BMAL1: variants seen among roughly 807,000 people sequenced by gnomAD.
BMAL1 encodes basic helix-loop-helix ARNT-like protein 1.
the BMAL1 span, among the ~76,000 whole-genome samples, chr11:13,381,637 A>G: frequency 3.9e-5 from 6 of 152,300 alleles, no homozygotes; most frequent in South Asian, 2.1e-4. Flanking sequence ...AGGGCAGGCA[A>G]TGGAAACAGC....
At chr11:13,327,843 G>A in the BMAL1 span, among the ~76,000 whole-genome samples, 4 of 101,426 alleles carry the variant, frequency 3.9e-5, no homozygotes, top group African/African-American at 1.1e-4. Flanking sequence ...AAAAATAAAC[G>A]ACAAGACAAA....
At chr11:13,359,278 T>C in the BMAL1 span, among the ~76,000 whole-genome samples, 2 of 152,220 alleles carry the variant, frequency 1.3e-5, no homozygotes, top group Non-Finnish European at 2.9e-5. Flanking sequence ...TAGCTAGTCT[T>C]GGACTTTTGG....
chr11:13,381,526 C>A, the BMAL1 span, among the ~76,000 whole-genome samples: 1 of 152,098 alleles, frequency 6.6e-6, no homozygotes, highest in Non-Finnish European at 1.5e-5. Context: ...ATTGAGGGAG[C>A]AATTCAAGAG....
At chr11:13,356,674 TATG>T in the BMAL1 span, 4 of 1,590,470 alleles carry the variant, frequency 2.5e-6, no homozygotes, top group African/African-American at 1.3e-5. Context: ...CCTTCTGTCT[TATG>T]ATAAGAAGCT....
chr11:13,279,523 A>G, the BMAL1 span, among the ~76,000 whole-genome samples: 1 of 152,210 alleles, frequency 6.6e-6, no homozygotes, highest in Non-Finnish European at 1.5e-5. Flanking sequence ...GCTTAAAATA[A>G]TCATTGCTGC....
At chr11:13,371,790 C>T in the BMAL1 span, among the ~76,000 whole-genome samples, 3 of 152,176 alleles carry the variant, frequency 2.0e-5, no homozygotes. Context: ...ATAGGCTGTG[C>T]CTCTGTGCCT....
the BMAL1 span, chr11:13,374,037 T>C: frequency 1.3e-6 from 2 of 1,501,916 alleles, no homozygotes; most frequent in Non-Finnish European, 1.8e-6. Flanking sequence ...ATTGCAAAGT[T>C]GCAATTAATC....
the BMAL1 span, among the ~76,000 whole-genome samples, chr11:13,349,235 T>G: frequency 1.3e-5 from 2 of 152,268 alleles, no homozygotes; most frequent in Admixed American, 6.5e-5. Flanking sequence ...AGGAGCTCGC[T>G]TCAGCAGTTA....
At chr11:13,316,337 G>A in the BMAL1 span, among the ~76,000 whole-genome samples, 1 of 152,196 alleles carries the variant, frequency 6.6e-6, no homozygotes. Context: ...GTGTGTGGAT[G>A]TGTGCTTTTT....
chr11:13,297,820 C>T, the BMAL1 span, among the ~76,000 whole-genome samples: 1 of 152,286 alleles, frequency 6.6e-6, no homozygotes, highest in Middle Eastern at 3.4e-3. Context: ...TGAAAGAGTG[C>T]TCATGGAACC....
chr11:13,351,932 G>T, the BMAL1 span, among the ~76,000 whole-genome samples: 1 of 152,158 alleles, frequency 6.6e-6, no homozygotes, highest in Non-Finnish European at 1.5e-5. Context: ...GGAGGAGGAT[G>T]GTATTCAAGT....
chr11:13,325,559 CT>C, the BMAL1 span, among the ~76,000 whole-genome samples: 31 of 151,840 alleles, frequency 2.0e-4, no homozygotes, highest in African/African-American at 5.8e-4. Flanking sequence ...GAACAGGAGC[CT>C]TTGCCGTCCT....
At chr11:13,354,621 C>A in the BMAL1 span, 3 of 796,040 alleles carry the variant, frequency 3.8e-6, no homozygotes, top group Non-Finnish European at 5.8e-6. Context: ...AGTTTGTAAG[C>A]AAGAAGGAGC....
chr11:13,369,110 T>TCC, the BMAL1 span, among the ~76,000 whole-genome samples: 1 of 152,182 alleles, frequency 6.6e-6, no homozygotes, highest in Non-Finnish European at 1.5e-5. Context: ...TGATCATGCA[T>TCC]CCAGGGTATT....
chr11:13,384,031 G>T, the BMAL1 span, among the ~76,000 whole-genome samples: 39 of 152,200 alleles, frequency 2.6e-4, no homozygotes, highest in African/African-American at 9.2e-4. Flanking sequence ...GTGTGATTAA[G>T]TTGTGAGTTG....
the BMAL1 span, among the ~76,000 whole-genome samples, chr11:13,313,021 G>A: frequency 8.1e-4 from 124 of 152,350 alleles, no homozygotes; most frequent in African/African-American, 2.6e-3. Flanking sequence ...CAGTGAGCTC[G>A]TTGGGGGTAA....
the BMAL1 span, among the ~76,000 whole-genome samples, chr11:13,330,820 C>G: frequency 6.6e-6 from 1 of 152,248 alleles, no homozygotes; most frequent in South Asian, 2.1e-4. Flanking sequence ...TTCTGTGCCA[C>G]TCAAAGGCGC....
At chr11:13,325,444 C>CT in the BMAL1 span, among the ~76,000 whole-genome samples, 201 of 151,530 alleles carry the variant, frequency 1.3e-3, 1 homozygote, top group African/African-American at 4.1e-3. Flanking sequence ...TTTTTCTTTT[C>CT]TTTTTTTTTC....
At chr11:13,381,719 G>A in the BMAL1 span, among the ~76,000 whole-genome samples, 1 of 152,202 alleles carries the variant, frequency 6.6e-6, no homozygotes, top group Non-Finnish European at 1.5e-5. Context: ...TCTGCTGCCT[G>A]GGGGTTCCAT....
Sources: allele counts gnomAD v4.1 joint callset (sites outside exome capture counted in the v4.1 genomes callset), GRCh38; gene constraint gnomAD v4.1.1; transcripts MANE v1.5; gene names NCBI Gene and HGNC (gene_info 2026-07-23, HGNC 2026-07-21).